SPATA31G1: variants seen among roughly 807,000 people sequenced by gnomAD.
SPATA31G1 encodes SPATA31 subfamily G member 1.
the SPATA31G1 span, chr9:35,043,333 T>TC: frequency 6.2e-7 from 1 of 1,614,078 alleles, no homozygotes; most frequent in African/African-American, 1.3e-5. Context: ...AAGCTTGCCT[T>TC]CCTACCTAGG....
the SPATA31G1 span, chr9:35,043,877 C>A: frequency 5.6e-6 from 9 of 1,614,146 alleles, no homozygotes; most frequent in Non-Finnish European, 7.6e-6. Context: ...AGTGGGAATG[C>A]AGAGAAAACT....
At chr9:35,045,697 G>C in the SPATA31G1 span, 3 of 1,614,226 alleles carry the variant, frequency 1.9e-6, no homozygotes, top group African/African-American at 1.3e-5. Flanking sequence ...GAGGCAGGGC[G>C]AAGAGCAAGT....
chr9:35,045,903 C>A, the SPATA31G1 span: 1 of 1,539,796 alleles, frequency 6.5e-7, no homozygotes, highest in Admixed American at 2.0e-5. Flanking sequence ...CTTGGTATGC[C>A]AAGACCTGAA....
chr9:35,045,380 C>G, the SPATA31G1 span: 4 of 1,613,916 alleles, frequency 2.5e-6, no homozygotes, highest in Non-Finnish European at 2.5e-6. Context: ...TATCTCCAGG[C>G]CCAGGAGAAC....
At chr9:35,043,876 G>C in the SPATA31G1 span, 1 of 1,614,156 alleles carries the variant, frequency 6.2e-7, no homozygotes, top group Non-Finnish European at 8.5e-7. Context: ...CAGTGGGAAT[G>C]CAGAGAAAAC....
the SPATA31G1 span, chr9:35,042,139 T>G: frequency 6.9e-7 from 1 of 1,451,432 alleles, no homozygotes; most frequent in Non-Finnish European, 9.1e-7. Context: ...GGAAATTTTT[T>G]TTGGTTCTAA....
the SPATA31G1 span, chr9:35,045,356 T>C: frequency 6.2e-6 from 10 of 1,613,964 alleles, no homozygotes; most frequent in Non-Finnish European, 8.5e-6. Context: ...ACATGGAGGC[T>C]GGTGTGGACT....
chr9:35,044,720 G>A, the SPATA31G1 span: 2 of 1,614,196 alleles, frequency 1.2e-6, no homozygotes, highest in Non-Finnish European at 1.7e-6. Flanking sequence ...CTCTACCAGA[G>A]CCACACATTG....
the SPATA31G1 span, chr9:35,044,743 T>A: frequency 4.3e-6 from 7 of 1,614,018 alleles, no homozygotes; most frequent in Non-Finnish European, 5.9e-6. Context: ...CTTGAACTTG[T>A]GTGGAGAAAT....
At chr9:35,044,265 A>G in the SPATA31G1 span, 2 of 1,614,170 alleles carry the variant, frequency 1.2e-6, no homozygotes, top group Non-Finnish European at 1.7e-6. Context: ...ATGGAAGGAT[A>G]CTGAGCATTC....
chr9:35,043,592 G>C, the SPATA31G1 span: 1 of 1,614,148 alleles, frequency 6.2e-7, no homozygotes. Context: ...CTGGATATGA[G>C]ACTCATTTGG....
At chr9:35,044,657 A>C in the SPATA31G1 span, 2 of 1,614,108 alleles carry the variant, frequency 1.2e-6, no homozygotes, top group South Asian at 1.1e-5. Context: ...CAGTGGAGCA[A>C]AGAAAGAACC....
chr9:35,045,830 G>A, the SPATA31G1 span: 4 of 1,612,886 alleles, frequency 2.5e-6, no homozygotes, highest in Admixed American at 3.3e-5. Flanking sequence ...CCAAATGCCT[G>A]GATAACCATC....
the SPATA31G1 span, chr9:35,042,434 G>T: frequency 6.2e-7 from 1 of 1,614,258 alleles, no homozygotes; most frequent in Non-Finnish European, 8.5e-7. Context: ...GGCAGCTTGG[G>T]AGGTTGCGAC....
At chr9:35,042,202 T>C in the SPATA31G1 span, 1 of 1,582,710 alleles carries the variant, frequency 6.3e-7, no homozygotes. Context: ...GGGAGTTCTT[T>C]GTTCTGTGAT....
the SPATA31G1 span, chr9:35,043,417 T>A: frequency 3.1e-6 from 5 of 1,614,070 alleles, no homozygotes; most frequent in African/African-American, 6.7e-5. Context: ...ATGGAAGATC[T>A]AGAAGGGATG....
chr9:35,044,911 C>A, the SPATA31G1 span: 1 of 1,614,122 alleles, frequency 6.2e-7, no homozygotes, highest in Middle Eastern at 1.6e-4. Context: ...AAGGCAGAGG[C>A]CCCACTCTCC....
chr9:35,044,201 T>C, the SPATA31G1 span: 5 of 1,613,942 alleles, frequency 3.1e-6, no homozygotes, highest in African/African-American at 6.7e-5. Context: ...CAACCACCCT[T>C]ATGGAACCAC....
the SPATA31G1 span, chr9:35,044,677 C>T: frequency 6.2e-7 from 1 of 1,614,052 alleles, no homozygotes; most frequent in East Asian, 2.2e-5. Flanking sequence ...CACTGGGCCA[C>T]TGAGCTCCCA....
Sources: gnomAD v4.1 joint callset for allele counts on GRCh38, gnomAD v4.1.1 for gene constraint, MANE v1.5 for transcripts, NCBI Gene and HGNC (gene_info 2026-07-23, HGNC 2026-07-21) for gene names.